Variants in MYT1L observed in about 807,000 individuals in gnomAD.
The protein encoded by MYT1L is myelin transcription factor 1 like.
MYT1L carries 12 observed loss-of-function variants against 126.7 expected under a neutral mutation model. The ratio of observed to expected loss-of-function variants is 0.09; its 90% CI spans 0.06 to 0.15. The LOEUF is 0.15. MYT1L is among the 10% of genes least tolerant of loss of function. The pLI is 1.00. For missense variants in MYT1L, 979 were observed against 1,585.2 expected (o/e 0.62, Z 6.49); for synonymous variants, 541 against 604.2 (o/e 0.90, Z 1.53).
intron 8 of MYT1L, among the ~76,000 whole-genome samples, chr2:1,956,828 C>G (rs1162659412): frequency 6.8e-6 from 1 of 146,164 alleles, no homozygotes; most frequent in South Asian, 2.2e-4. Context: ...TAGTGAAAAG[C>G]AAAAAAAAAA....
intron 2 of MYT1L, among the ~76,000 whole-genome samples, chr2:2,208,014 G>A (rs962905206): frequency 6.6e-6 from 1 of 152,140 alleles, no homozygotes; most frequent in African/African-American, 2.4e-5. Context: ...CCCACTCAGT[G>A]GCAAACCCTC....
At position 1,979,830 on chromosome 2, in the gene MYT1L, C is replaced by G; in HGVS notation, c.1-53G>C. 1.9e-6 allele frequency: 3 copies of G among 1,577,722 alleles called. No homozygotes were observed. The highest frequency in any genetic ancestry group is 2.6e-6 in the Non-Finnish European group (3 of 1,148,302). ...TGCTTATCCTGCCTGTGCAGGCCAGCCCTGCAGGGGCGGCTCACTCTCCCT... is the reference window on the plus strand; with the variant it reads ...TGCTTATCCTGCCTGTGCAGGCCAGGCCTGCAGGGGCGGCTCACTCTCCCT... On this transcript the variant is annotated intron_variant, in intron 5 of 24. Coordinates refer to ENST00000647738, the MANE Select transcript of MYT1L (RefSeq NM_001303052.2). This position sits in a 1 kb window ranked among gnomAD's most constrained non-coding sequence, Gnocchi z 4.0.
At position 2,145,360 on chromosome 2, in the gene MYT1L, G is replaced by A. The variant is rs149494362; in HGVS notation, c.-304+27512C>T. 3.5e-3 allele frequency among the ~76,000 whole-genome samples: 526 copies of A among 152,274 alleles called. 3 individuals carry two copies. Among genetic ancestry groups the A allele is most frequent in the African/African-American group, 0.012 (479 of 41,546 alleles). On this transcript the variant is annotated intron_variant, in intron 3 of 24. Coordinates refer to ENST00000647738, the MANE Select transcript of MYT1L (RefSeq NM_001303052.2). ...TTCTCCAGCGCTTCCTGAACACGCC[G>A]TCCAGCGCTCTAACCTGTGTCTGAG...
chr2:2,076,540 C>A (rs1251521515), intron 3 of MYT1L, among the ~76,000 whole-genome samples: 1 of 152,074 alleles, frequency 6.6e-6, no homozygotes, highest in Non-Finnish European at 1.5e-5. Flanking sequence ...GCTCCAAGAA[C>A]TCGAAAGAAA....
chr2:1,866,902 G>C (rs1362436488), intron 18 of MYT1L, among the ~76,000 whole-genome samples: 3 of 143,008 alleles, frequency 2.1e-5, no homozygotes, highest in East Asian at 2.3e-4. Context: ...AAGGGTGAGA[G>C]ACAGAGGCAG....
chr2:1,796,627 C>G (rs188146304), intron 23 of MYT1L, among the ~76,000 whole-genome samples: 30 of 152,278 alleles, frequency 2.0e-4, no homozygotes, highest in African/African-American at 6.7e-4. Flanking sequence ...TCAAATACCC[C>G]CATCCCCACC....
chr2:2,153,200 G>C (rs747525881), intron 3 of MYT1L, among the ~76,000 whole-genome samples: 1 of 152,178 alleles, frequency 6.6e-6, no homozygotes, highest in South Asian at 2.1e-4. Flanking sequence ...TCAGGAAGCT[G>C]AGATGGGAGG....
chr2:1,902,363 C>T (rs909045147), intron 14 of MYT1L, among the ~76,000 whole-genome samples: 3 of 152,232 alleles, frequency 2.0e-5, no homozygotes, highest in Non-Finnish European at 1.5e-5. Flanking sequence ...CAGCAGGGGA[C>T]GAAGCTACGG....
intron 4 of MYT1L, among the ~76,000 whole-genome samples, chr2:1,999,958 T>C (rs528691143): frequency 3.9e-5 from 6 of 152,350 alleles, no homozygotes; most frequent in East Asian, 1.9e-4. Context: ...AGCATGCTCA[T>C]TGGTGGGATT....
intron 3 of MYT1L, among the ~76,000 whole-genome samples, chr2:2,142,363 A>G (rs2084121606): frequency 6.6e-6 from 1 of 152,128 alleles, no homozygotes; most frequent in Non-Finnish European, 1.5e-5. Flanking sequence ...CATTATTTCA[A>G]TATCCCACAT....
At position 1,979,021 on chromosome 2, in the gene MYT1L, CTG is replaced by C; in HGVS notation, c.152+142_152+143del. The C allele has an allele frequency of 4.4e-6, 3 of 674,304 alleles. No individual in the cohort carries two copies. The South Asian group carries it at 5.7e-5, about 13-fold the overall frequency. The allele number at this position is 674,304 out of a possible 1,614,324, so 41.8% of individuals were successfully genotyped here. ...TGAGAACCCTTTCAAGAGACAAAGA[CTG>C]AGTTCCAGTGTGAGAAGAAAAAGAA... is the stretch of plus-strand genomic sequence containing the variant. On this transcript the variant is annotated intron_variant, in intron 8 of 24. Transcript: ENST00000647738. The surrounding 1 kb of genome is among the most constrained non-coding windows in gnomAD (Gnocchi z 4.0).
Position 1,887,746 on chromosome 2 carries a change from G to A in MYT1L, c.2521-137C>T. ...GTACCTTTAAGATCCTTTTGGTCCT[G>A]ATAACGCCCCTACTGAAAATGCATA... On this transcript the variant is annotated intron_variant, in intron 16 of 24. Transcript: ENST00000647738. The surrounding 1 kb of genome is among the most constrained non-coding windows in gnomAD (Gnocchi z 4.8). The A allele has an allele frequency of 3.0e-6, 3 of 1,010,756 alleles. No individual in the cohort carries two copies. Among genetic ancestry groups the A allele is most frequent in the Non-Finnish European group, 4.4e-6 (3 of 678,362 alleles). The allele number at this position is 1,010,756 out of a possible 1,614,324, so 62.6% of individuals were successfully genotyped here.
At chr2:2,200,437 C>G (rs1225055522) in intron 2 of MYT1L, among the ~76,000 whole-genome samples, 3 of 152,194 alleles carry the variant, frequency 2.0e-5, no homozygotes, top group Non-Finnish European at 1.5e-5. Flanking sequence ...TGGCTTCCGA[C>G]CCCTTCCACA....
At chr2:1,934,233 A>C (rs912146060) in intron 9 of MYT1L, among the ~76,000 whole-genome samples, 2 of 150,132 alleles carry the variant, frequency 1.3e-5, no homozygotes, top group African/African-American at 4.9e-5. Flanking sequence ...CTTGGCCTCC[A>C]AAGTGCTGGG....
chr2:2,096,635 G>A lies in MYT1L; in HGVS notation c.-303-42512C>T, dbSNP rs369670729. On this transcript the variant is annotated intron_variant, in intron 3 of 24. Coordinates refer to ENST00000647738, the MANE Select transcript of MYT1L (RefSeq NM_001303052.2). ...TCTGATATGAGGAGCCTTGGTGAAA[G>A]GCTCTCTGAAGACACCAGGTATCTC... is the stretch of plus-strand genomic sequence containing the variant. Among the ~76,000 whole-genome samples, 12 of 152,288 alleles carry A rather than the reference G, an allele frequency of 7.9e-5. No individual in the cohort carries two copies. The East Asian group carries it at 1.4e-3, about 17-fold the overall frequency.
chr2:2,299,300 C>A (rs776721418), intron 1 of MYT1L, among the ~76,000 whole-genome samples: 1 of 152,228 alleles, frequency 6.6e-6, no homozygotes, highest in Non-Finnish European at 1.5e-5. Flanking sequence ...GCAGCCTGTG[C>A]CATGATCTCC....
At chr2:2,033,502 C>A (rs1194189107) in intron 4 of MYT1L, among the ~76,000 whole-genome samples, 1 of 152,230 alleles carries the variant, frequency 6.6e-6, no homozygotes, top group East Asian at 1.9e-4. Context: ...AGGATGGGAC[C>A]TGGGGGCACG....
chr2:1,891,258 G>A (rs974787916), intron 15 of MYT1L, among the ~76,000 whole-genome samples: 1 of 152,218 alleles, frequency 6.6e-6, no homozygotes, highest in Non-Finnish European at 1.5e-5. Context: ...GCTACACAGT[G>A]GAGAGCCCTT....
intron 2 of MYT1L, among the ~76,000 whole-genome samples, chr2:2,180,467 A>G (rs1209224101): frequency 2.6e-5 from 4 of 151,960 alleles, no homozygotes; most frequent in Admixed American, 2.6e-4. Flanking sequence ...TGGCAGAGAG[A>G]CAACTCGATG....
Sources: allele counts gnomAD v4.1 joint callset (sites outside exome capture counted in the v4.1 genomes callset), GRCh38; gene constraint gnomAD v4.1.1; non-coding constraint Gnocchi (gnomAD v3.1); transcripts MANE v1.5; gene names NCBI Gene and HGNC (gene_info 2026-07-23, HGNC 2026-07-21).